Variants in DPP6 observed in about 807,000 individuals in gnomAD.
DPP6 encodes the protein dipeptidyl peptidase like 6.
DPP6 carries 69 observed loss-of-function variants against 122.6 expected under a neutral mutation model. The ratio of observed to expected loss-of-function variants is 0.56; its 90% CI spans 0.46 to 0.69. The LOEUF (loss-of-function observed/expected upper bound fraction) is 0.69, where lower values mean the gene tolerates loss of function less well. Ranked by LOEUF, DPP6 falls within the 30% of genes least tolerant of loss-of-function variation. DPP6 has a pLI of 0.00. For synonymous variants in DPP6, 418 were observed against 433.1 expected (o/e 0.97, Z 0.43); for missense variants, 928 against 1,116.9 (o/e 0.83, Z 2.41).
intron 1 of DPP6, among the ~76,000 whole-genome samples, chr7:154,382,168 C>T (rs990670259): frequency 6.6e-6 from 1 of 151,364 alleles, no homozygotes; most frequent in Non-Finnish European, 1.5e-5. Flanking sequence ...CGAGTGACTC[C>T]CTCTGCTCAA....
chr7:154,073,421 T>G (rs1267599139), intron 1 of DPP6, among the ~76,000 whole-genome samples: 2 of 152,242 alleles, frequency 1.3e-5, no homozygotes, highest in Admixed American at 1.3e-4. Flanking sequence ...CTCCTCTCCG[T>G]GGCTCTGGCT....
At chr7:153,832,387 C>T in the DPP6 span, among the ~76,000 whole-genome samples, 6 of 152,302 alleles carry the variant, frequency 3.9e-5, no homozygotes, top group African/African-American at 1.2e-4. Flanking sequence ...CAATTTATGA[C>T]GCCTCCTTCT....
intron 1 of DPP6, among the ~76,000 whole-genome samples, chr7:154,439,877 A>G (rs568753332): frequency 6.6e-6 from 1 of 152,296 alleles, no homozygotes; most frequent in Admixed American, 6.5e-5. Context: ...AATGTATTTG[A>G]GAAAAGTAGG....
rs367714041 is a variant in DPP6 at position 154,414,793 on chromosome 7, C to T, written c.244-31421C>T. Among the ~76,000 whole-genome samples the T allele has an allele frequency of 5.3e-5, 8 of 152,150 alleles. No homozygotes were observed. The East Asian group carries it at 5.8e-4, about 11-fold the overall frequency. The stretch of plus-strand genomic sequence containing the variant: ...TGTGTGGCTGTCAAGTTAGTGCTGG[C>T]CCCACACAGGTTGCCGAAGGGTGCT... On this transcript the variant is annotated intron_variant, in intron 1 of 25. Coordinates refer to ENST00000377770, the MANE Select transcript of DPP6 (RefSeq NM_130797.4).
At chr7:153,946,453 A>G (rs1358776776) in intron 1 of DPP6, among the ~76,000 whole-genome samples, 2 of 152,056 alleles carry the variant, frequency 1.3e-5, no homozygotes, top group African/African-American at 4.8e-5. Flanking sequence ...CAGCATGCGA[A>G]TGCATTATAA....
At chr7:153,866,165 C>G in the DPP6 span, among the ~76,000 whole-genome samples, 1 of 152,120 alleles carries the variant, frequency 6.6e-6, no homozygotes, top group African/African-American at 2.4e-5. Context: ...AGGGTATTTA[C>G]CCAGTAATGG....
At chr7:154,713,093 A>G (rs917197132) in intron 7 of DPP6, among the ~76,000 whole-genome samples, 4 of 152,264 alleles carry the variant, frequency 2.6e-5, no homozygotes, top group African/African-American at 4.8e-5. Context: ...TGCAAGCCCC[A>G]TGCATGTCCA....
At chr7:154,390,923 T>C (rs1814560868) in intron 1 of DPP6, among the ~76,000 whole-genome samples, 1 of 152,188 alleles carries the variant, frequency 6.6e-6, no homozygotes, top group Non-Finnish European at 1.5e-5. Flanking sequence ...CATCAGATCG[T>C]ACAGTCGTCA....
At chr7:154,027,511 C>T (rs563129630) in intron 1 of DPP6, among the ~76,000 whole-genome samples, 125 of 152,252 alleles carry the variant, frequency 8.2e-4, no homozygotes, top group African/African-American at 2.8e-3. Context: ...CTGCTAAGGG[C>T]GCTAGTCCCA....
At chr7:154,758,470 C>G (rs1245281584) in intron 8 of DPP6, among the ~76,000 whole-genome samples, 1 of 150,946 alleles carries the variant, frequency 6.6e-6, no homozygotes, top group Non-Finnish European at 1.5e-5. Context: ...CTCCCAGGTT[C>G]AAGCGATTCT....
At chr7:154,082,319 T>C (rs1323438527) in intron 1 of DPP6, among the ~76,000 whole-genome samples, 1 of 152,202 alleles carries the variant, frequency 6.6e-6, no homozygotes, top group Non-Finnish European at 1.5e-5. Flanking sequence ...GGGGTTGTTT[T>C]GTTATTCTCC....
At chr7:154,614,610 G>T (rs1327263566) in intron 5 of DPP6, among the ~76,000 whole-genome samples, 1 of 152,122 alleles carries the variant, frequency 6.6e-6, no homozygotes, top group Non-Finnish European at 1.5e-5. Flanking sequence ...TTTCATGATT[G>T]CTTGTGCTTA....
At chr7:153,827,550 G>A in the DPP6 span, among the ~76,000 whole-genome samples, 1 of 152,174 alleles carries the variant, frequency 6.6e-6, no homozygotes, top group Non-Finnish European at 1.5e-5. Flanking sequence ...AGGTAGTTGA[G>A]AGGCTGACAC....
At chr7:153,773,507 G>A in the DPP6 span, among the ~76,000 whole-genome samples, 1 of 151,436 alleles carries the variant, frequency 6.6e-6, no homozygotes, top group East Asian at 1.9e-4. Context: ...GAAAGCACAT[G>A]AAATATGATC....
At chr7:153,927,005 T>A (rs1433129304) in intron 1 of DPP6, among the ~76,000 whole-genome samples, 1 of 112,734 alleles carries the variant, frequency 8.9e-6, no homozygotes, top group East Asian at 2.2e-4. Flanking sequence ...TTAAGTTAAA[T>A]TTTTTTTTTT....
rs573146812 is a variant in DPP6 at position 154,486,633 on chromosome 7, G to A, written c.457+11596G>A. On this transcript the variant is annotated intron_variant, in intron 3 of 25. Coordinates refer to ENST00000377770, the MANE Select transcript of DPP6 (RefSeq NM_130797.4). This position sits in a 1 kb window ranked among gnomAD's most constrained non-coding sequence, Gnocchi z 4.5. The stretch of plus-strand genomic sequence containing the variant: ...AATTAGTTGTGTACTCCACGATACC[G>A]CAGTAGAACTTTACAAAACTTCAGT... Among the ~76,000 whole-genome samples the A allele has an allele frequency of 2.0e-3, 301 of 152,270 alleles. No homozygotes were observed. Among genetic ancestry groups the A allele is most frequent in the African/African-American group, 6.9e-3 (286 of 41,542 alleles).
At chr7:153,987,016 G>A (rs1796880547) in intron 1 of DPP6, among the ~76,000 whole-genome samples, 1 of 152,176 alleles carries the variant, frequency 6.6e-6, no homozygotes, top group South Asian at 2.1e-4. Context: ...GGTTAGTTCG[G>A]TTTGGTTTGA....
chr7:153,778,090 G>C, the DPP6 span, among the ~76,000 whole-genome samples: 161 of 149,634 alleles, frequency 1.1e-3, no homozygotes, highest in Non-Finnish European at 2.1e-3. Flanking sequence ...TTAAACTCTA[G>C]TAAATTTATT....
chr7:154,868,924 A>AACTGAGACTTCAAACCT (rs1208250639), intron 18 of DPP6, among the ~76,000 whole-genome samples: 5 of 152,176 alleles, frequency 3.3e-5, no homozygotes, highest in Non-Finnish European at 7.3e-5. Context: ...GGTGTCGAAT[A>AACTGAGACTTCAAACCT]ACTGAGACTT....
Sources: allele counts gnomAD v4.1 joint callset (sites outside exome capture counted in the v4.1 genomes callset), GRCh38; gene constraint gnomAD v4.1.1; non-coding constraint Gnocchi (gnomAD v3.1); transcripts MANE v1.5; gene names NCBI Gene and HGNC (gene_info 2026-07-23, HGNC 2026-07-21).